The following KASH5 variants were observed in gnomAD, a reference collection of about 807,000 sequenced individuals.
KASH5 encodes KASH domain containing 5, also known as protein KASH5.
In KASH5, 72 loss-of-function variants were observed where a neutral mutation model predicts 84.2. The ratio of observed to expected loss-of-function variants is 0.85; its 90% CI spans 0.71 to 1.04. KASH5 has a LOEUF of 1.04. KASH5 is among the 50% of genes least tolerant of loss of function. KASH5 has a pLI of 0.00. For missense variants in KASH5, 650 were observed against 701.0 expected, an observed-to-expected ratio of 0.93 and a Z score of 0.82; for synonymous variants, 260 against 279.1, an observed-to-expected ratio of 0.93 and a Z score of 0.68.
In KASH5 at chr19:49,399,687, T is replaced by C; in HGVS notation, c.798+180T>C. ...TGAGAACAGCCGTGGTTTACAAGAG[T>C]GTGAGGCATGGGGTCAGCCTACATG... is the stretch of plus-strand genomic sequence containing the variant. On this transcript the variant is annotated intron_variant, in intron 9 of 19. Coordinates refer to ENST00000447857, the MANE Select transcript of KASH5 (RefSeq NM_144688.5). The surrounding 1 kb of genome is among the most constrained non-coding windows in gnomAD (Gnocchi z 4.4). The C allele has an allele frequency of 1.4e-6, 2 of 1,466,968 alleles. No homozygotes were observed. Among genetic ancestry groups the C allele is most frequent in the Admixed American group, 2.2e-5 (1 of 45,476 alleles). The allele number at this position is 1,466,968 out of a possible 1,614,324, so 90.9% of individuals were successfully genotyped here. A position where few individuals can be genotyped will look rare whatever the true frequency, so the allele number is the denominator to read the frequency against.
chr19:49,397,976 C>G lies in KASH5; in HGVS notation c.468-6C>G. The G allele has an allele frequency of 6.2e-7, 1 of 1,613,552 alleles. No homozygotes were observed. The highest frequency in any genetic ancestry group is 8.5e-7 in the Non-Finnish European group (1 of 1,179,690). ...ACAGTGACCTGAACCCCTTCCTTGCCCCTAGACAAGCCACAGCTGACCTGC... is the reference window on the plus strand; with the variant it reads ...ACAGTGACCTGAACCCCTTCCTTGCGCCTAGACAAGCCACAGCTGACCTGC... On this transcript the variant is annotated splice_polypyrimidine_tract_variant and splice_region_variant and intron_variant, in intron 6 of 19. Coordinates refer to ENST00000447857, the MANE Select transcript of KASH5 (RefSeq NM_144688.5).
Position 49,399,648 on chromosome 19 carries a change from G to T in KASH5, c.798+141G>T. ...TCAGTAGTGTGGGAATGTCCCTGAG[G>T]TTATATCACACTGTGAGAACAGCCG... is the stretch of plus-strand genomic sequence containing the variant. On this transcript the variant is annotated intron_variant, in intron 9 of 19. Transcript: ENST00000447857. This position sits in a 1 kb window ranked among gnomAD's most constrained non-coding sequence, Gnocchi z 4.4. The T allele has an allele frequency of 2.0e-6, 3 of 1,514,810 alleles. No homozygotes were observed. The highest frequency in any genetic ancestry group is 2.7e-6 in the Non-Finnish European group (3 of 1,128,092). 93.8% of individuals were successfully genotyped at this position (1,514,810 alleles called of 1,614,324 possible).
intron 2 of KASH5, chr19:49,393,728 T>TGC (rs1974081298): frequency 6.5e-6 from 1 of 152,774 alleles, no homozygotes; most frequent in African/African-American, 2.4e-5. Context: ...TGTACATGCG[T>TGC]GTGCTTCACA....
intron 2 of KASH5, chr19:49,393,455 C>A (rs1169942847): frequency 2.0e-5 from 3 of 152,224 alleles, no homozygotes; most frequent in Non-Finnish European, 4.4e-5. Flanking sequence ...CCTCGGTTGC[C>A]CCCTGGATCT....
intron 12 of KASH5, among the ~76,000 whole-genome samples, chr19:49,408,513 A>G (rs1243978145): frequency 2.0e-5 from 3 of 150,994 alleles, no homozygotes; most frequent in Admixed American, 6.6e-5. Flanking sequence ...CAGTGGTGCA[A>G]TCTCGGCTCA....
chr19:49,396,260 T>G (rs967593812), intron 5 of KASH5, among the ~76,000 whole-genome samples: 15 of 95,844 alleles, frequency 1.6e-4, no homozygotes, highest in South Asian at 8.6e-4. Context: ...TTTTTTTTTT[T>G]TTTTTTTTTT....
chr19:49,397,166 A>G (rs1974208471), intron 5 of KASH5, among the ~76,000 whole-genome samples: 1 of 151,718 alleles, frequency 6.6e-6, no homozygotes, highest in South Asian at 2.1e-4. Flanking sequence ...GGGCCCAGGG[A>G]GGGCTGCAAG....
At chr19:49,396,669 G>T (rs944745717) in intron 5 of KASH5, among the ~76,000 whole-genome samples, 4 of 152,152 alleles carry the variant, frequency 2.6e-5, no homozygotes, top group African/African-American at 9.7e-5. Context: ...CACCTGCAGA[G>T]GAAATCTGAT....
At chr19:49,396,242 ACTTTTT>A (rs1974174106) in intron 5 of KASH5, among the ~76,000 whole-genome samples, 4 of 122,904 alleles carry the variant, frequency 3.3e-5, no homozygotes, top group Non-Finnish European at 6.7e-5. Flanking sequence ...ACCCTGCTGG[ACTTTTT>A]TTTTTTTTTT....
chr19:49,415,633 C>T (rs980697477), intron 17 of KASH5: 2 of 159,390 alleles, frequency 1.3e-5, no homozygotes, highest in East Asian at 1.9e-4. Flanking sequence ...ATGGCTGCCT[C>T]CAGGACACTC....
Position 49,417,222 on chromosome 19 carries a change from G to C in KASH5, c.1503G>C (p.Arg501Ser). ...VPVMKKLVPVRRRAWGQLCLP... is the reference protein window; with the variant it reads ...VPVMKKLVPVSRRAWGQLCLP... Reference sequence around the variant, plus strand: ...TGATGAAAAAGCTGGTCCCAGTCAGGAGGAGGGCCTGGGGCCAGCTCTGCC... The same window carrying C: ...TGATGAAAAAGCTGGTCCCAGTCAGCAGGAGGGCCTGGGGCCAGCTCTGCC... The change falls in exon 19 of 20, where the codon AGG (arginine) becomes AGC (serine). Residue 501 changes from arginine to serine, a missense_variant. By Grantham distance (110) the Arg-to-Ser change is moderately radical. Coordinates refer to ENST00000447857, the MANE Select transcript of KASH5 (RefSeq NM_144688.5). This position sits in a 1 kb window ranked among gnomAD's most constrained non-coding sequence, Gnocchi z 5.2. 2 of 1,613,822 alleles carry C rather than the reference G, an allele frequency of 1.2e-6. No individual in the cohort carries two copies. Among genetic ancestry groups the C allele is most frequent in the Non-Finnish European group, 1.7e-6 (2 of 1,179,808 alleles).
At chr19:49,403,572 G>T (rs930760163) in intron 9 of KASH5, among the ~76,000 whole-genome samples, 1 of 152,214 alleles carries the variant, frequency 6.6e-6, no homozygotes. Flanking sequence ...AAGTGAGAAG[G>T]GGTGAGAATG....
intron 5 of KASH5, among the ~76,000 whole-genome samples, chr19:49,396,242 A>ATTTTTTTTTTTTT (rs1568611428): frequency 8.1e-6 from 1 of 122,904 alleles, no homozygotes; most frequent in Non-Finnish European, 1.7e-5. Context: ...ACCCTGCTGG[A>ATTTTTTTTTTTTT]CTTTTTTTTT....
chr19:49,411,597 C>A (rs1974711194), intron 15 of KASH5, among the ~76,000 whole-genome samples: 2 of 152,138 alleles, frequency 1.3e-5, no homozygotes, highest in Non-Finnish European at 2.9e-5. Flanking sequence ...TTTGAGCTGT[C>A]AGATGCCCCT....
chr19:49,390,740 G>C, intron 1 of KASH5, 49 bp from the exon 2 acceptor site: 2 of 916,508 alleles, frequency 2.2e-6, no homozygotes, highest in South Asian at 3.9e-5. Context: ...GGCAGGCCCC[G>C]ACCCTTGGTG....
chr19:49,393,125 C>T (rs35272309), intron 2 of KASH5, among the ~76,000 whole-genome samples: 4,110 of 152,142 alleles, frequency 0.027, 85 homozygotes, highest in Middle Eastern at 0.092. Flanking sequence ...TGACCTTTGG[C>T]GAGTTCTTAG....
intron 5 of KASH5, among the ~76,000 whole-genome samples, chr19:49,396,480 C>A (rs1050397064): frequency 6.6e-6 from 1 of 152,148 alleles, no homozygotes; most frequent in African/African-American, 2.4e-5. Context: ...TCTCGAACTC[C>A]CGACCTCAGG....
chr19:49,416,959 G>A lies in KASH5; in HGVS notation c.1375-56G>A, dbSNP rs1017172141. The A allele has an allele frequency of 1.6e-5, 24 of 1,526,424 alleles. No homozygotes were observed. In the African/African-American group the frequency reaches 3.2e-4, roughly 20 times the overall value. The allele number at this position is 1,526,424 out of a possible 1,614,324, so 94.6% of individuals were successfully genotyped here. A position where few individuals can be genotyped will look rare whatever the true frequency, so the allele number is the denominator to read the frequency against. ...CCACTTGTGTCCAGTGGGCTGACCT[G>A]AGCACCTCTCAGTCCAGAACCCGGT... On this transcript the variant is annotated intron_variant, in intron 17 of 19. Coordinates refer to ENST00000447857, the MANE Select transcript of KASH5 (RefSeq NM_144688.5). The surrounding 1 kb of genome is among the most constrained non-coding windows in gnomAD (Gnocchi z 5.4).
intron 17 of KASH5, chr19:49,415,344 G>A (rs1353638934): frequency 3.8e-5 from 14 of 369,242 alleles, no homozygotes; most frequent in South Asian, 2.0e-4. Context: ...AGGTTGGGCC[G>A]GCCCTCCCCA....
Sources: gnomAD v4.1 joint callset for allele counts (sites outside exome capture counted in the v4.1 genomes callset) on GRCh38, gnomAD v4.1.1 for gene constraint, Gnocchi (gnomAD v3.1) non-coding constraint, MANE v1.5 for transcripts, NCBI Gene and HGNC (gene_info 2026-07-23, HGNC 2026-07-21) for gene names.